The following RAPGEF4 variants were observed in gnomAD, a reference collection of about 807,000 sequenced individuals.
RAPGEF4 encodes RAP guanine-nucleotide-exchange factor (GEF) 4.
Under a neutral mutation model 147.9 loss-of-function variants are expected in RAPGEF4, and 66 were observed. That is an observed-to-expected ratio of 0.45 (90% confidence interval 0.37 to 0.55). The LOEUF (loss-of-function observed/expected upper bound fraction) is 0.55. Among genes scored for constraint, RAPGEF4 ranks in the 20% least tolerant of loss-of-function variants. RAPGEF4 has a pLI of 0.00. For synonymous variants in RAPGEF4, 419 were observed against 442.7 expected (o/e 0.95, Z 0.67); for missense variants, 1,071 against 1,257.3 (o/e 0.85, Z 2.24).
At chr2:172,825,245 T>A (rs1689539022) in intron 4 of RAPGEF4, among the ~76,000 whole-genome samples, 1 of 152,248 alleles carries the variant, frequency 6.6e-6, no homozygotes, top group South Asian at 2.1e-4. Context: ...GGCCAAATCA[T>A]CTAACACAAA....
intron 16 of RAPGEF4, among the ~76,000 whole-genome samples, chr2:173,000,447 G>C (rs943772533): frequency 1.3e-5 from 2 of 152,182 alleles, no homozygotes; most frequent in African/African-American, 2.4e-5. Flanking sequence ...TGGGTTCCAA[G>C]TTCTGATGGG....
chr2:173,036,570 T>C, intron 28 of RAPGEF4, 58 bp from the exon 29 acceptor site: 2 of 1,337,328 alleles, frequency 1.5e-6, no homozygotes, highest in Non-Finnish European at 2.1e-6. Context: ...GCTATTGTGC[T>C]TTCTTAGTAT....
At chr2:172,818,571 A>T (rs570186332) in intron 4 of RAPGEF4, among the ~76,000 whole-genome samples, 1 of 152,178 alleles carries the variant, frequency 6.6e-6, no homozygotes, top group Admixed American at 6.5e-5. Flanking sequence ...TGGTGGGCTC[A>T]TTTCATGGCA....
At chr2:172,960,300 T>A (rs1689151218) in intron 6 of RAPGEF4, among the ~76,000 whole-genome samples, 1 of 152,270 alleles carries the variant, frequency 6.6e-6, no homozygotes, top group East Asian at 1.9e-4. Context: ...TTTCTAAAAA[T>A]ACAAATTGCA....
At chr2:172,912,638 A>G (rs1683561221) in intron 4 of RAPGEF4, among the ~76,000 whole-genome samples, 1 of 152,084 alleles carries the variant, frequency 6.6e-6, no homozygotes, top group Non-Finnish European at 1.5e-5. Flanking sequence ...ATTTATATTT[A>G]CTCTAAATTC....
At chr2:173,006,284 A>G (rs2105837161) in intron 17 of RAPGEF4, among the ~76,000 whole-genome samples, 1 of 152,330 alleles carries the variant, frequency 6.6e-6, no homozygotes, top group East Asian at 1.9e-4. Context: ...CCAATAGATT[A>G]TCTTTTTATG....
chr2:172,762,384 A>T (rs1696432641), intron 1 of RAPGEF4, among the ~76,000 whole-genome samples: 1 of 152,154 alleles, frequency 6.6e-6, no homozygotes, highest in Non-Finnish European at 1.5e-5. Context: ...CCAGACTGCG[A>T]GGAGAATCAC....
chr2:172,749,212 C>G lies in RAPGEF4; in HGVS notation c.65+13164C>G, dbSNP rs75366267. Among the ~76,000 whole-genome samples the G allele has an allele frequency of 4.1e-4, 63 of 152,314 alleles. 1 individual carries two copies. The highest frequency in any genetic ancestry group is 3.4e-3 in the Middle Eastern group (1 of 294). On this transcript the variant is annotated intron_variant, in intron 1 of 30. Coordinates refer to ENST00000397081, the MANE Select transcript of RAPGEF4 (RefSeq NM_007023.4). Reference sequence around the variant, plus strand: ...GCTCTGCTAGGCAGTGACCCAGTAGCGACTCTGAGTAGGGGCTTCAATCCC... The same window carrying G: ...GCTCTGCTAGGCAGTGACCCAGTAGGGACTCTGAGTAGGGGCTTCAATCCC...
chr2:172,859,585 G>A (rs1693796913), intron 4 of RAPGEF4, among the ~76,000 whole-genome samples: 1 of 152,166 alleles, frequency 6.6e-6, no homozygotes, highest in Non-Finnish European at 1.5e-5. Flanking sequence ...AACTTGCTAA[G>A]TCATAGCTCA....
intron 4 of RAPGEF4, among the ~76,000 whole-genome samples, chr2:172,822,164 G>C (rs895561563): frequency 6.6e-6 from 1 of 152,256 alleles, no homozygotes; most frequent in East Asian, 1.9e-4. Context: ...TGTGTGTGGG[G>C]CCAGGGGGTG....
chr2:172,735,881 G>C lies in RAPGEF4; in HGVS notation c.-103G>C. ...AGCCGCGCTGGTCGCCAGGCGTCCG[G>C]GAGGAGCGGGGTCCGCGCGGCGGAC... On this transcript the variant is annotated 5_prime_UTR_variant, in exon 1 of 31. Transcript: ENST00000397081. 1 of 1,032,516 alleles carries C rather than the reference G, an allele frequency of 9.7e-7. No individual in the cohort carries two copies. The highest frequency in any genetic ancestry group is 1.2e-6 in the Non-Finnish European group (1 of 803,452). The allele number at this position is 1,032,516 out of a possible 1,614,324, so 64.0% of individuals were successfully genotyped here.
intron 1 of RAPGEF4, among the ~76,000 whole-genome samples, chr2:172,763,604 A>T (rs1312672979): frequency 6.6e-6 from 1 of 152,166 alleles, no homozygotes; most frequent in African/African-American, 2.4e-5. Flanking sequence ...CAGATGATTT[A>T]TTTCCTGGTT....
intron 4 of RAPGEF4, among the ~76,000 whole-genome samples, chr2:172,855,920 CT>C (rs1201840186): frequency 6.6e-6 from 1 of 152,024 alleles, no homozygotes; most frequent in Non-Finnish European, 1.5e-5. Context: ...TATGATGTGC[CT>C]TGGCATGGGT....
chr2:173,032,763 T>C (rs943654628), intron 26 of RAPGEF4, among the ~76,000 whole-genome samples: 36 of 152,182 alleles, frequency 2.4e-4, no homozygotes, highest in Admixed American at 6.5e-5. Context: ...TACAGATGTT[T>C]AAATGGGAAT....
At chr2:172,916,675 A>C (rs1282297950) in intron 4 of RAPGEF4, among the ~76,000 whole-genome samples, 1 of 152,202 alleles carries the variant, frequency 6.6e-6, no homozygotes, top group Non-Finnish European at 1.5e-5. Context: ...AATGAGAAGA[A>C]AAAAAGAATT....
chr2:172,868,878 C>T (rs898154264), intron 4 of RAPGEF4, among the ~76,000 whole-genome samples: 5 of 152,168 alleles, frequency 3.3e-5, no homozygotes, highest in Admixed American at 1.3e-4. Context: ...AGGAAGCTTG[C>T]AATCATGGTG....
At chr2:173,011,622 A>G (rs564583839) in intron 17 of RAPGEF4, among the ~76,000 whole-genome samples, 3 of 152,038 alleles carry the variant, frequency 2.0e-5, no homozygotes, top group South Asian at 2.1e-4. Context: ...ATGTTGTCCA[A>G]TGTAATATTT....
chr2:172,798,658 A>G (rs543054759), intron 3 of RAPGEF4, among the ~76,000 whole-genome samples: 107 of 102,004 alleles, frequency 1.0e-3, no homozygotes, highest in South Asian at 3.4e-3. Flanking sequence ...CATAGGTAGC[A>G]CACTTCAAAT....
intron 1 of RAPGEF4, among the ~76,000 whole-genome samples, chr2:172,765,457 A>C (rs1421319679): frequency 2.0e-5 from 3 of 151,996 alleles, no homozygotes; most frequent in African/African-American, 7.3e-5. Context: ...CATGAACCCA[A>C]CTTCTGCTTC....
Sources: allele counts gnomAD v4.1 joint callset (sites outside exome capture counted in the v4.1 genomes callset), GRCh38; gene constraint gnomAD v4.1.1; transcripts MANE v1.5; gene names NCBI Gene and HGNC (gene_info 2026-07-23, HGNC 2026-07-21).